Variants in UBE3C observed in about 807,000 individuals in gnomAD.
The protein encoded by UBE3C is ubiquitin protein ligase E3C, also known as ubiquitin-protein ligase E3C.
UBE3C carries 42 observed loss-of-function variants against 129.4 expected under a neutral mutation model. That is an observed-to-expected ratio of 0.32 (90% CI 0.25 to 0.42). The LOEUF is 0.42. Ranked by LOEUF, UBE3C falls within the 10% of genes least tolerant of loss-of-function variation. The probability of loss-of-function intolerance (pLI) is 1.00; values close to 1 mark genes in which losing one functional copy is unlikely to be tolerated. For missense variants in UBE3C, 1,049 were observed against 1,319.1 expected, an observed-to-expected ratio of 0.80 and a Z score of 3.17; for synonymous variants, 510 against 492.4, an observed-to-expected ratio of 1.04 and a Z score of -0.47.
intron 11 of UBE3C, among the ~76,000 whole-genome samples, chr7:157,204,284 T>TA (rs1431587569): frequency 2.6e-5 from 4 of 151,616 alleles, no homozygotes; most frequent in Non-Finnish European, 5.9e-5. Flanking sequence ...TGCTAGGACT[T>TA]ACAGCTTTAG....
At chr7:157,208,281 A>T (rs1033929178) in intron 13 of UBE3C, among the ~76,000 whole-genome samples, 1 of 151,530 alleles carries the variant, frequency 6.6e-6, no homozygotes, top group Non-Finnish European at 1.5e-5. Context: ...TCACTGTGTT[A>T]CCCAGGCTGG....
Position 157,267,824 on chromosome 7 carries a change from C to T in UBE3C, c.*69C>T. 7.2e-7 allele frequency: 1 copy of T among 1,391,624 alleles called. No homozygotes were observed. Among genetic ancestry groups the T allele is most frequent in the Non-Finnish European group, 9.6e-7 (1 of 1,039,068 alleles). 86.2% of individuals were successfully genotyped at this position (1,391,624 alleles called of 1,614,324 possible). A position where few individuals can be genotyped will look rare whatever the true frequency, so the allele number is the denominator to read the frequency against. On this transcript the variant is annotated 3_prime_UTR_variant, in exon 23 of 23. Coordinates refer to ENST00000348165, the MANE Select transcript of UBE3C (RefSeq NM_014671.3). ...TTCGTCAGCAGCGCCTCCCCAGACCCACGAGGATACTCACACTGCACGCCT... is the reference window on the plus strand; with the variant it reads ...TTCGTCAGCAGCGCCTCCCCAGACCTACGAGGATACTCACACTGCACGCCT...
chr7:157,181,433 G>A (rs2301916), intron 6 of UBE3C, 85 bp from the exon 7 acceptor site: 1 of 1,242,300 alleles, frequency 8.0e-7, no homozygotes, highest in Admixed American at 2.7e-5. Context: ...CTGTAGAGAT[G>A]GTTAAAAGCA....
In UBE3C at chr7:157,208,098, A is replaced by G. The variant is rs565248498; in HGVS notation, c.1809+163A>G. Among the ~76,000 whole-genome samples the G allele has an allele frequency of 7.5e-4, 61 of 81,792 alleles. 1 individual carries two copies. Among genetic ancestry groups the G allele is most frequent in the South Asian group, 1.8e-3 (4 of 2,230 alleles). 53.7% of individuals were successfully genotyped at this position (81,792 alleles called of 152,430 possible). A position where few individuals can be genotyped will look rare whatever the true frequency, so the allele number is the denominator to read the frequency against. ...TTTTTTTTTTTTTTTTTTTTGATAC[A>G]TGGACTTGATGTGTCTCCCAGGCTG... On this transcript the variant is annotated intron_variant, in intron 13 of 22. Transcript: ENST00000348165.
At chr7:157,224,902 T>G (rs1795836677) in intron 16 of UBE3C, among the ~76,000 whole-genome samples, 1 of 152,234 alleles carries the variant, frequency 6.6e-6, no homozygotes. Flanking sequence ...TTGTCAGAGA[T>G]ATTTCTACTA....
chr7:157,259,857 C>T (rs1796852003), intron 22 of UBE3C, among the ~76,000 whole-genome samples: 2 of 152,228 alleles, frequency 1.3e-5, no homozygotes, highest in Admixed American at 1.3e-4. Context: ...TCAAGTACAC[C>T]TCAATTAAGC....
At chr7:157,199,547 T>G (rs1809221629) in intron 10 of UBE3C, among the ~76,000 whole-genome samples, 1 of 151,226 alleles carries the variant, frequency 6.6e-6, no homozygotes. Context: ...CTCGGCTCAC[T>G]GCAACCTCAG....
intron 14 of UBE3C, 47 bp downstream of exon 14, chr7:157,217,018 C>G (rs751846040): frequency 7.0e-7 from 1 of 1,426,760 alleles, no homozygotes; most frequent in Admixed American, 1.9e-5. Context: ...AAAATACATT[C>G]AGCTTGTGTC....
chr7:157,186,798 A>G lies in UBE3C; in HGVS notation c.1144-36A>G, dbSNP rs527451594. The G allele has an allele frequency of 3.0e-5, 48 of 1,604,648 alleles. No individual in the cohort carries two copies. The East Asian group carries it at 1.0e-3, about 34-fold the overall frequency. On this transcript the variant is annotated intron_variant, in intron 9 of 22. Coordinates refer to ENST00000348165, the MANE Select transcript of UBE3C (RefSeq NM_014671.3). ...AGTGTAGAGGACGTTCCAGTTGAGCACATTTATGGAGACTGGTTGTTCTGG... is the reference window on the plus strand; with the variant it reads ...AGTGTAGAGGACGTTCCAGTTGAGCGCATTTATGGAGACTGGTTGTTCTGG...
At chr7:157,182,592 C>T (rs1361834921) in intron 8 of UBE3C, among the ~76,000 whole-genome samples, 1 of 152,220 alleles carries the variant, frequency 6.6e-6, no homozygotes, top group East Asian at 1.9e-4. Context: ...GAAAGCTCTT[C>T]TGTGAGTCAG....
intron 10 of UBE3C, chr7:157,188,844 C>T (rs1808878335): frequency 4.5e-6 from 2 of 445,934 alleles, no homozygotes; most frequent in Non-Finnish European, 8.1e-6. Flanking sequence ...TTAGTATATT[C>T]CCAGGCTGAT....
chr7:157,188,883 T>G, intron 10 of UBE3C: 1 of 557,948 alleles, frequency 1.8e-6, no homozygotes. Context: ...CACTGATTAA[T>G]ATTAGTCCCT....
At chr7:157,248,278 T>G in intron 18 of UBE3C, 90 bp from the exon 19 acceptor site, 1 of 1,149,012 alleles carries the variant, frequency 8.7e-7, no homozygotes, top group Non-Finnish European at 1.3e-6. Flanking sequence ...TCTCTTAGGA[T>G]TGGGTTTAAT....
chr7:157,264,580 CACAA>C lies in UBE3C; in HGVS notation c.3082-3001_3082-2998del, dbSNP rs1332814442. The stretch of plus-strand genomic sequence containing the variant: ...CAACATGCTCAGCCTGTTACACACA[CACAA>C]ACATATATATTTTTAAGACAGAGTT... On this transcript the variant is annotated intron_variant, in intron 22 of 22. Transcript: ENST00000348165. Among the ~76,000 whole-genome samples the C allele has an allele frequency of 2.0e-5, 3 of 152,270 alleles. No homozygotes were observed. The East Asian group carries it at 5.8e-4, about 29-fold the overall frequency.
intron 1 of UBE3C, among the ~76,000 whole-genome samples, chr7:157,162,369 A>G (rs544047048): frequency 3.0e-4 from 45 of 151,372 alleles, no homozygotes; most frequent in African/African-American, 1.0e-3. Flanking sequence ...TAATTTTTGT[A>G]TTTTTAGTAG....
intron 7 of UBE3C, 94 bp from the exon 8 acceptor site, chr7:157,182,014 C>T: frequency 1.5e-6 from 2 of 1,294,172 alleles, no homozygotes; most frequent in Non-Finnish European, 2.1e-6. Flanking sequence ...GTAGATTATC[C>T]TTTTAGAAGG....
At position 157,215,707 on chromosome 7, in the gene UBE3C, G is replaced by A. The variant is rs150792878; in HGVS notation, c.1810-1160G>A. Among the ~76,000 whole-genome samples, 463 of 151,908 alleles carry A rather than the reference G, an allele frequency of 3.0e-3. 4 individuals carry two copies. The highest frequency in any genetic ancestry group is 0.011 in the African/African-American group (439 of 41,476). ...CTGGCCGACTTTTTCAGAAAACGCC[G>A]TCTTGAGCTCTGTAGTAGTTATATG... is the stretch of plus-strand genomic sequence containing the variant. On this transcript the variant is annotated intron_variant, in intron 13 of 22. Transcript: ENST00000348165.
At chr7:157,240,307 A>C (rs1796277221) in intron 18 of UBE3C, among the ~76,000 whole-genome samples, 1 of 152,212 alleles carries the variant, frequency 6.6e-6, no homozygotes, top group African/African-American at 2.4e-5. Flanking sequence ...CGCCCACCTC[A>C]GCCTCCCAAA....
chr7:157,266,311 C>T (rs968833082), intron 22 of UBE3C, among the ~76,000 whole-genome samples: 2 of 151,310 alleles, frequency 1.3e-5, no homozygotes, highest in Non-Finnish European at 3.0e-5. Flanking sequence ...AAGACTCCGT[C>T]TCAAAAAAAT....
Sources: allele counts gnomAD v4.1 joint callset (sites outside exome capture counted in the v4.1 genomes callset), GRCh38; gene constraint gnomAD v4.1.1; transcripts MANE v1.5; gene names NCBI Gene and HGNC (gene_info 2026-07-23, HGNC 2026-07-21).